The following WDR45B variants were observed in gnomAD, a reference collection of about 807,000 sequenced individuals.
WDR45B encodes the protein WD repeat domain phosphoinositide-interacting protein 3.
In WDR45B, 20 loss-of-function variants were observed where a neutral mutation model predicts 44.6. The observed-to-expected ratio is 0.45, with a 90% CI of 0.32 to 0.65. The LOEUF (loss-of-function observed/expected upper bound fraction) is 0.65. WDR45B is among the 30% of genes least tolerant of loss of function. WDR45B has a pLI of 0.05. For missense variants in WDR45B, 323 were observed against 430.2 expected, an observed-to-expected ratio of 0.75 and a Z score of 2.20; for synonymous variants, 169 against 164.9, an observed-to-expected ratio of 1.02 and a Z score of -0.19.
intron 2 of WDR45B, among the ~76,000 whole-genome samples, chr17:82,642,403 C>G (rs534317487): frequency 6.6e-6 from 1 of 152,136 alleles, no homozygotes; most frequent in Non-Finnish European, 1.5e-5. Context: ...AACCATCCCC[C>G]TATGAAAAAA....
chr17:82,646,797 G>C (rs971113173), intron 1 of WDR45B, among the ~76,000 whole-genome samples: 1 of 152,134 alleles, frequency 6.6e-6, no homozygotes, highest in African/African-American at 2.4e-5. Context: ...GAGAAGGCTA[G>C]GCATCTCCCT....
intron 2 of WDR45B, among the ~76,000 whole-genome samples, chr17:82,640,970 T>TTTTTTG (rs1046113166): frequency 3.3e-4 from 2 of 6,056 alleles, no homozygotes; most frequent in African/African-American, 4.7e-3. Flanking sequence ...CTTGTCTGGG[T>TTTTTTG]TTTTTTTTTT....
At position 82,648,396 on chromosome 17, in the gene WDR45B, G is replaced by T. The variant is rs987307970; in HGVS notation, c.-56C>A. The T allele has an allele frequency of 3.2e-6, 5 of 1,582,164 alleles. No individual in the cohort carries two copies. Among genetic ancestry groups the T allele is most frequent in the Admixed American group, 1.7e-5 (1 of 58,010 alleles). On this transcript the variant is annotated 5_prime_UTR_variant, in exon 1 of 10. Transcript: ENST00000392325. ...GCGCTGCATGCCTCTCGCTGGGGAC[G>T]GCGGCCTGGTCCCTTCGGGCCGGCG...
At chr17:82,645,598 A>G (rs1014188490) in intron 1 of WDR45B, among the ~76,000 whole-genome samples, 6 of 152,094 alleles carry the variant, frequency 3.9e-5, no homozygotes, top group Non-Finnish European at 4.4e-5. Context: ...CACTTTGGAA[A>G]ACTATTTGTA....
chr17:82,638,908 C>T (rs1422824940), intron 2 of WDR45B, among the ~76,000 whole-genome samples: 1 of 151,902 alleles, frequency 6.6e-6, no homozygotes, highest in African/African-American at 2.4e-5. Context: ...CTGTAACCTC[C>T]GCCTCCTGGG....
At chr17:82,636,847 C>A (rs1266488485) in intron 2 of WDR45B, among the ~76,000 whole-genome samples, 1 of 151,972 alleles carries the variant, frequency 6.6e-6, no homozygotes, top group African/African-American at 2.4e-5. Flanking sequence ...CCTGAAACTG[C>A]ACGTCTCACA....
intron 3 of WDR45B, chr17:82,629,832 T>G: frequency 1.0e-6 from 1 of 985,290 alleles, no homozygotes; most frequent in Non-Finnish European, 1.2e-6. Flanking sequence ...GGCTATTCTA[T>G]TCCTAAGTAC....
chr17:82,628,413 A>C (rs2045726050), intron 3 of WDR45B, among the ~76,000 whole-genome samples: 1 of 151,260 alleles, frequency 6.6e-6, no homozygotes, highest in Non-Finnish European at 1.5e-5. Context: ...AGCTTTAGGG[A>C]TGAGAATGCC....
chr17:82,622,457 G>A (rs2045631849), intron 5 of WDR45B, among the ~76,000 whole-genome samples: 1 of 152,160 alleles, frequency 6.6e-6, no homozygotes, highest in Non-Finnish European at 1.5e-5. Flanking sequence ...TTGAGACGGA[G>A]CCTGGCCCTG....
chr17:82,616,544 G>A lies in WDR45B; in HGVS notation c.908C>T (p.Thr303Ile). 6.2e-7 allele frequency: 1 copy of A among 1,614,180 alleles called. No homozygotes were observed. The highest frequency in any genetic ancestry group is 8.5e-7 in the Non-Finnish European group (1 of 1,180,030). Reference sequence around the variant, plus strand: ...CTCACCAATGACGGCGTTTGGCTCTGTTCCAAAGGCACAAATGCACGGAGA... The same window carrying A: ...CTCACCAATGACGGCGTTTGGCTCTATTCCAAAGGCACAAATGCACGGAGA... ...SGSPCICAFGTEPNAVIAICA... is the reference protein window; with the variant it reads ...SGSPCICAFGIEPNAVIAICA... Residue 303 changes from threonine to isoleucine, a missense_variant, in exon 9 of 10, where the codon ACA becomes ATA. Transcript: ENST00000392325.
chr17:82,616,327 G>T (rs1207108787), intron 9 of WDR45B, among the ~76,000 whole-genome samples, 197 bp downstream of exon 9: 1 of 152,242 alleles, frequency 6.6e-6, no homozygotes, highest in Non-Finnish European at 1.5e-5. Flanking sequence ...TGGAGGGATG[G>T]GGGCTGAAGA....
At chr17:82,639,843 G>A (rs12948948) in intron 2 of WDR45B, among the ~76,000 whole-genome samples, 24,426 of 142,220 alleles carry the variant, frequency 0.17, 2,179 homozygotes, top group Middle Eastern at 0.22. Flanking sequence ...CTGCCGGGCT[G>A]TGTGTCGGGT....
intron 3 of WDR45B, among the ~76,000 whole-genome samples, chr17:82,630,188 C>T (rs1402304282): frequency 6.6e-6 from 1 of 152,142 alleles, no homozygotes; most frequent in Non-Finnish European, 1.5e-5. Context: ...TCACCTCATG[C>T]ACTGCATCTA....
At chr17:82,625,353 C>T (rs965913602) in intron 5 of WDR45B, 36 bp downstream of exon 5, 12 of 1,596,840 alleles carry the variant, frequency 7.5e-6, no homozygotes, top group South Asian at 1.1e-5. Context: ...CATGTGGACC[C>T]ATTTCCCATC....
At position 82,616,622 on chromosome 17, in the gene WDR45B, G is replaced by A. The variant is rs746252837; in HGVS notation, c.830C>T (p.Pro277Leu). 11 of 1,614,066 alleles carry A rather than the reference G, an allele frequency of 6.8e-6. No individual in the cohort carries two copies. The highest frequency in any genetic ancestry group is 2.7e-5 in the African/African-American group (2 of 74,920). The change falls in exon 9 of 10, where the codon CCA (proline) becomes CTA (leucine). Residue 277 changes from proline (P) to leucine (L), a missense_variant. Pro to Leu is a moderately conservative substitution (Grantham distance 98, BLOSUM62 -3). Transcript: ENST00000392325. ...ACTCCACTTGGAACTGAAGTATTTT[G>A]GAAGGAAACTGGCTGAGGCCAAACT... ...QSSLASASFL[P>L]KYFSSKWSFS...
chr17:82,621,874 A>C (rs1228684596), intron 5 of WDR45B, 75 bp from the exon 6 acceptor site: 4 of 1,497,426 alleles, frequency 2.7e-6, no homozygotes, highest in Non-Finnish European at 3.7e-6. Context: ...TCTGCCCCCA[A>C]AGTTCTCCGA....
At position 82,627,261 on chromosome 17, in the gene WDR45B, GTCT is replaced by G. The variant is rs2045709821; in HGVS notation, c.272_274del (p.Lys91del). 3.7e-6 allele frequency: 6 copies of G among 1,613,372 alleles called. No individual in the cohort carries two copies. Among genetic ancestry groups the G allele is most frequent in the Non-Finnish European group, 5.1e-6 (6 of 1,179,894 alleles). The stretch of plus-strand genomic sequence containing the variant: ...TGTAGAAAATTCTATTTCAATAACA[GTCT>G]TCTTCTTCAGGTCATCCCAGATCAT... On this transcript the variant is annotated inframe_deletion, in exon 4 of 10. Coordinates refer to ENST00000392325, the MANE Select transcript of WDR45B (RefSeq NM_019613.4).
At chr17:82,633,302 A>G (rs2045792764) in intron 2 of WDR45B, among the ~76,000 whole-genome samples, 1 of 152,224 alleles carries the variant, frequency 6.6e-6, no homozygotes, top group South Asian at 2.1e-4. Context: ...CATCTGATAC[A>G]GTGCGTAATA....
chr17:82,636,260 C>CA (rs71168123), intron 2 of WDR45B, among the ~76,000 whole-genome samples: 35,835 of 104,392 alleles, frequency 0.34, 6,130 homozygotes, highest in East Asian at 0.43. Context: ...GACTCCGTCT[C>CA]AAAAAAAAAA....
Sources: allele counts gnomAD v4.1 joint callset (sites outside exome capture counted in the v4.1 genomes callset), GRCh38; gene constraint gnomAD v4.1.1; transcripts MANE v1.5; gene names NCBI Gene and HGNC (gene_info 2026-07-23, HGNC 2026-07-21).